The following PREX2 variants were observed in gnomAD, a reference collection of about 807,000 sequenced individuals.
PREX2 encodes the protein phosphatidylinositol 3,4,5-trisphosphate-dependent Rac exchanger 2 protein.
In PREX2, 107 loss-of-function variants were observed where a neutral mutation model predicts 203.2. The ratio of observed to expected loss-of-function variants is 0.53; its 90% CI spans 0.45 to 0.62. The LOEUF is 0.62. Among genes scored for constraint, PREX2 ranks in the 20% least tolerant of loss-of-function variants. PREX2 has a pLI of 0.00. For synonymous variants in PREX2, 672 were observed against 663.6 expected (o/e 1.01, Z -0.19); for missense variants, 1,777 against 1,955.9 (o/e 0.91, Z 1.72).
chr8:68,138,604 T>C (rs1811159651), intron 33 of PREX2, 87 bp downstream of exon 33: 5 of 583,398 alleles, frequency 8.6e-6, no homozygotes, highest in East Asian at 6.0e-5. Flanking sequence ...TGATAAGTAT[T>C]TTATGAACTG....
At chr8:68,032,770 T>G (rs1024070127) in intron 6 of PREX2, among the ~76,000 whole-genome samples, 3 of 152,138 alleles carry the variant, frequency 2.0e-5, no homozygotes, top group Non-Finnish European at 4.4e-5. Context: ...TGTGTGTCTG[T>G]GGAGAGGCTA....
intron 1 of PREX2, among the ~76,000 whole-genome samples, chr8:68,000,896 T>G (rs13273686): frequency 0.69 from 104,274 of 151,980 alleles, 35,987 homozygotes; most frequent in South Asian, 0.81. Context: ...TGGCTAGCCA[T>G]CTGCAGAAGA....
chr8:67,960,234 G>A (rs1306966572), intron 1 of PREX2, among the ~76,000 whole-genome samples: 2 of 152,060 alleles, frequency 1.3e-5, no homozygotes, highest in Non-Finnish European at 2.9e-5. Context: ...TAGAGACGGG[G>A]TTTCACCGTG....
chr8:68,222,383 C>A (rs1812969751), intron 38 of PREX2, among the ~76,000 whole-genome samples: 1 of 137,334 alleles, frequency 7.3e-6, no homozygotes, highest in Non-Finnish European at 1.6e-5. Context: ...TAAAAAGGCA[C>A]AAGAAACAAC....
At chr8:68,164,351 TA>T (rs398112561) in intron 35 of PREX2, among the ~76,000 whole-genome samples, 2 of 48,700 alleles carry the variant, frequency 4.1e-5, no homozygotes, top group Non-Finnish European at 9.7e-5. Flanking sequence ...TAATATGTAT[TA>T]TATATATATA....
At chr8:68,103,406 G>A (rs1810319156) in intron 23 of PREX2, among the ~76,000 whole-genome samples, 1 of 152,178 alleles carries the variant, frequency 6.6e-6, no homozygotes, top group Non-Finnish European at 1.5e-5. Context: ...TGCTGCTATA[G>A]TCAATAATTC....
Position 68,127,399 on chromosome 8 carries a change from T to A in PREX2, c.3746T>A (p.Leu1249Gln). 1 of 1,608,228 alleles carries A rather than the reference T, an allele frequency of 6.2e-7. No homozygotes were observed. The highest frequency in any genetic ancestry group is 2.2e-5 in the East Asian group (1 of 44,706). The change falls in exon 31 of 40, where the codon CTG becomes CAG. Residue 1249 changes from leucine (L) to glutamine (Q), a missense_variant. Coordinates refer to ENST00000288368, the MANE Select transcript of PREX2 (RefSeq NM_024870.4). ...GCAGAGGTAAAGTGTAGGCTACTCC[T>A]GGCTCTTCTTGAATATTCAGGTAAC... ...FVEEVKCRLL[L>Q]ALLEYSDSET...
chr8:68,146,097 G>T (rs1161319582), intron 33 of PREX2, 112 bp from the exon 34 acceptor site: 1 of 684,604 alleles, frequency 1.5e-6, no homozygotes, highest in Non-Finnish European at 2.4e-6. Flanking sequence ...ACATGATCAC[G>T]TTTAATATAT....
At chr8:68,201,385 G>A (rs1812498319) in intron 37 of PREX2, among the ~76,000 whole-genome samples, 1 of 152,108 alleles carries the variant, frequency 6.6e-6, no homozygotes, top group Non-Finnish European at 1.5e-5. Flanking sequence ...AGTTTATTAA[G>A]GAGTATTGAC....
intron 20 of PREX2, among the ~76,000 whole-genome samples, chr8:68,090,926 G>A (rs1480513667): frequency 1.3e-5 from 2 of 152,054 alleles, no homozygotes; most frequent in Non-Finnish European, 2.9e-5. Context: ...TTACAGTACC[G>A]CCATCTGTTT....
chr8:68,000,243 G>A (rs541029880), intron 1 of PREX2, among the ~76,000 whole-genome samples: 40 of 152,288 alleles, frequency 2.6e-4, no homozygotes, highest in African/African-American at 8.7e-4. Context: ...AACAATTTTA[G>A]CAAAGTCTCT....
In PREX2 at chr8:68,088,445, T is replaced by C. The variant is rs183389126; in HGVS notation, c.2113+636T>C. Among the ~76,000 whole-genome samples the C allele has an allele frequency of 5.2e-3, 786 of 152,322 alleles. 2 individuals carry two copies. Among genetic ancestry groups the C allele is most frequent in the Middle Eastern group, 0.027 (8 of 294 alleles). ...TAACTTGCGCCTATAGCAAGAAGTG[T>C]CACTATTAGCATAAGAAGTCATGTG... On this transcript the variant is annotated intron_variant, in intron 19 of 39. Transcript: ENST00000288368.
At chr8:68,143,923 C>T (rs1811274663) in intron 33 of PREX2, among the ~76,000 whole-genome samples, 1 of 152,054 alleles carries the variant, frequency 6.6e-6, no homozygotes, top group Non-Finnish European at 1.5e-5. Flanking sequence ...CCAGTTCTTC[C>T]AGAAACATTT....
chr8:68,121,174 A>G (rs1810766374), intron 30 of PREX2, 125 bp downstream of exon 30: 1 of 998,728 alleles, frequency 1.0e-6, no homozygotes, highest in East Asian at 2.5e-5. Flanking sequence ...AGAAAATAAA[A>G]GTACTGAAAA....
intron 34 of PREX2, among the ~76,000 whole-genome samples, chr8:68,156,034 T>C (rs1053812607): frequency 6.6e-6 from 1 of 152,098 alleles, no homozygotes; most frequent in East Asian, 1.9e-4. Flanking sequence ...AAAATTTCCA[T>C]TTTTTTACTC....
Position 68,231,444 on chromosome 8 carries a change from G to T in PREX2, c.*66G>T. 7.6e-7 allele frequency: 1 copy of T among 1,314,800 alleles called. No homozygotes were observed. The highest frequency in any genetic ancestry group is 1.0e-6 in the Non-Finnish European group (1 of 962,110). The allele number at this position is 1,314,800 out of a possible 1,614,324, so 81.4% of individuals were successfully genotyped here. A position where few individuals can be genotyped will look rare whatever the true frequency, so the allele number is the denominator to read the frequency against. ...TGCTGGACTAGACAAACTACATGCT[G>T]GCTAAACATTCTCCACTGAAGATAC... On this transcript the variant is annotated 3_prime_UTR_variant, in exon 40 of 40. Coordinates refer to ENST00000288368, the MANE Select transcript of PREX2 (RefSeq NM_024870.4).
chr8:68,108,722 A>G (rs1810470941), intron 24 of PREX2, among the ~76,000 whole-genome samples: 1 of 152,194 alleles, frequency 6.6e-6, no homozygotes, highest in Admixed American at 6.5e-5. Context: ...ACTATCCTCT[A>G]GTTTTTAATT....
At chr8:68,077,746 G>C (rs1026482049) in intron 15 of PREX2, among the ~76,000 whole-genome samples, 1 of 152,080 alleles carries the variant, frequency 6.6e-6, no homozygotes, top group Non-Finnish European at 1.5e-5. Flanking sequence ...TGAGCTAGAA[G>C]TTTTTCTGTT....
chr8:68,076,585 G>T (rs1357701494), intron 14 of PREX2, among the ~76,000 whole-genome samples: 1 of 151,874 alleles, frequency 6.6e-6, no homozygotes, highest in Non-Finnish European at 1.5e-5. Context: ...GGAGAGAGTA[G>T]ATTTGGTAAC....
Sources: allele counts gnomAD v4.1 joint callset (sites outside exome capture counted in the v4.1 genomes callset), GRCh38; gene constraint gnomAD v4.1.1; transcripts MANE v1.5; gene names NCBI Gene and HGNC (gene_info 2026-07-23, HGNC 2026-07-21).